Variants in KRT26 observed in about 807,000 individuals in gnomAD.
KRT26 encodes keratin 26.
In KRT26, 45 loss-of-function variants were observed where a neutral mutation model predicts 46.1. The ratio of observed to expected loss-of-function variants is 0.98; its 90% CI spans 0.77 to 1.25. The LOEUF (loss-of-function observed/expected upper bound fraction) is 1.25, where lower values mean the gene tolerates loss of function less well. Among genes scored for constraint, KRT26 ranks in the 50% most tolerant of loss-of-function variants. The pLI, the probability that KRT26 is intolerant of heterozygous loss-of-function variation, is 0.00. For synonymous variants in KRT26, 191 were observed against 209.9 expected (o/e 0.91, Z 0.78); for missense variants, 582 against 560.1 (o/e 1.04, Z -0.39).
exon 1 of KRT26, chr17:40,772,120 A>C (rs1179644054): frequency 3.7e-6 from 6 of 1,612,406 alleles, no homozygotes; most frequent in Non-Finnish European, 5.1e-6. Context: ...ACATGGTGGC[A>C]GCACAGCCGG....
chr17:40,766,383 G>C (rs2038172242), exon 8 of KRT26: 2 of 660,816 alleles, frequency 3.0e-6, no homozygotes, highest in Non-Finnish European at 4.8e-6. Context: ...ACAAATTCTA[G>C]CCCTTTTAAG....
chr17:40,769,610 A>G (rs2038201658), intron 5 of KRT26, 144 bp downstream of exon 5: 2 of 884,762 alleles, frequency 2.3e-6, no homozygotes, highest in Admixed American at 5.5e-5. Flanking sequence ...GAGTTTAGGG[A>G]CAGAATTCTT....
chr17:40,770,514 C>G, intron 2 of KRT26, 105 bp from the exon 3 acceptor site: 4 of 858,848 alleles, frequency 4.7e-6, no homozygotes, highest in Non-Finnish European at 5.3e-6. Flanking sequence ...CTGTACATAC[C>G]TCTGAAGCTT....
intron 6 of KRT26, among the ~76,000 whole-genome samples, chr17:40,768,119 G>T (rs956144725): frequency 2.0e-5 from 3 of 152,196 alleles, no homozygotes; most frequent in African/African-American, 7.2e-5. Context: ...TGAGGAGGGA[G>T]CAATCACTGT....
At position 40,770,107 on chromosome 17, in the gene KRT26, G is replaced by A. The variant is rs2038209141; in HGVS notation, c.697C>T (p.Gln233Ter). The change falls in exon 4 of 8, where the codon CAA (glutamine) becomes TAA (stop). Residue 233 changes from glutamine (Q) to a stop codon, truncating the protein, a stop_gained. Coordinates refer to ENST00000335552, the Ensembl canonical transcript of KRT26. LOFTEE classifies it high-confidence loss of function. ...TTCACGTTCCCCCCAGCTGTATATT[G>A]CAAGACTTCCATTTCCTAGAAAAGG... The A allele has an allele frequency of 6.2e-7, 1 of 1,614,184 alleles. No homozygotes were observed. Among genetic ancestry groups the A allele is most frequent in the Non-Finnish European group, 8.5e-7 (1 of 1,180,030 alleles).
chr17:40,771,227 C>T, exon 2 of KRT26: 1 of 1,590,986 alleles, frequency 6.3e-7, no homozygotes, highest in South Asian at 1.1e-5. Context: ...CAGATGGTCG[C>T]AGAAATAATC....
At chr17:40,770,045 A>G (rs1164537897) in exon 4 of KRT26, 2 of 1,614,030 alleles carry the variant, frequency 1.2e-6, no homozygotes, top group Non-Finnish European at 1.7e-6. Context: ...TCAACAGGAC[A>G]GTTAGGTCCA....
exon 5 of KRT26, chr17:40,769,796 A>G (rs762749663): frequency 6.2e-7 from 1 of 1,614,140 alleles, no homozygotes; most frequent in Non-Finnish European, 8.5e-7. Flanking sequence ...GGGTTTGCAG[A>G]TTGCGTTTTA....
At position 40,771,206 on chromosome 17, in the gene KRT26, T is replaced by G. The variant is rs150852556; in HGVS notation, c.472A>C (p.Ile158Leu). 3.8e-4 allele frequency: 606 copies of G among 1,607,618 alleles called. 1 individual carries two copies. The African/African-American group carries it at 7.0e-3, about 18-fold the overall frequency. ...CTGGCATTGTCATTTTGTAGAACAA[T>G]GCTGGCATTGCAGATGGTCGCAGAA... Residue 158 changes from isoleucine (I) to leucine (L), a missense_variant, in exon 2 of 8, where the codon ATT becomes CTT. By Grantham distance (5) the Ile-to-Leu change is conservative (BLOSUM62 2). Transcript: ENST00000335552.
chr17:40,770,134 A>ATCGGTATT lies in KRT26; in HGVS notation c.682-20_682-13dup, dbSNP rs749080170. 1 of 1,613,942 alleles carries ATCGGTATT rather than the reference A, an allele frequency of 6.2e-7. No homozygotes were observed. Among genetic ancestry groups the ATCGGTATT allele is most frequent in the African/African-American group, 1.3e-5 (1 of 74,900 alleles). ...AAGACTTCCATTTCCTAGAAAAGGG[A>ATCGGTATT]TCGGTATTCATCCTCAGTGGAGGAT... On this transcript the variant is annotated splice_polypyrimidine_tract_variant and intron_variant, in intron 3 of 7. Transcript: ENST00000335552.
chr17:40,767,031 C>A (rs1271935053), intron 7 of KRT26, among the ~76,000 whole-genome samples: 2 of 152,186 alleles, frequency 1.3e-5, no homozygotes, highest in East Asian at 3.8e-4. Flanking sequence ...TGAGCCACTG[C>A]ACCTTTTAAA....
At chr17:40,766,472 C>T (rs920916564) in exon 8 of KRT26, 5 of 1,413,432 alleles carry the variant, frequency 3.5e-6, no homozygotes, top group Non-Finnish European at 3.8e-6. Context: ...TTCTTTCTCT[C>T]TCTCTCTCTT....
At chr17:40,770,856 T>G (rs529142868) in intron 2 of KRT26, among the ~76,000 whole-genome samples, 123 of 152,136 alleles carry the variant, frequency 8.1e-4, no homozygotes, top group African/African-American at 2.7e-3. Flanking sequence ...GACTATTTTT[T>G]TGTGTGTGTA....
chr17:40,768,863 GC>G lies in KRT26; in HGVS notation c.1187+15del. 1.3e-6 allele frequency: 1 copy of G among 795,398 alleles called. No homozygotes were observed. Among genetic ancestry groups the G allele is most frequent in the Non-Finnish European group, 1.8e-6 (1 of 569,844 alleles). The allele number at this position is 795,398 out of a possible 1,614,324, so 49.3% of individuals were successfully genotyped here. ...TAATGTGAGGTTTTTTTTTTTTTTT[GC>G]AAGTTAATCTTTACCTTTCTTCTCC... On this transcript the variant is annotated intron_variant, in intron 6 of 7. Coordinates refer to ENST00000335552, the Ensembl canonical transcript of KRT26.
At chr17:40,769,533 C>T (rs1364297851) in intron 5 of KRT26, among the ~76,000 whole-genome samples, 1 of 152,014 alleles carries the variant, frequency 6.6e-6, no homozygotes, top group Non-Finnish European at 1.5e-5. Context: ...AATTGAAAAT[C>T]AACATTTGCA....
At chr17:40,769,117 A>G (rs2038196255) in intron 5 of KRT26, 21 bp from the exon 6 acceptor site, 1 of 1,482,928 alleles carries the variant, frequency 6.7e-7, no homozygotes, top group African/African-American at 1.4e-5. Flanking sequence ...AGCAAAGTGA[A>G]GCTTGAATGT....
In KRT26 at chr17:40,769,036, G is replaced by C. The variant is rs530769706; in HGVS notation, c.1030C>G (p.Gln344Glu). 7 of 1,614,022 alleles carry C rather than the reference G, an allele frequency of 4.3e-6. No individual in the cohort carries two copies. The East Asian group carries it at 1.1e-4, about 26-fold the overall frequency. The change falls in exon 6 of 8, where the codon CAA (glutamine) becomes GAA (glutamate). Residue 344 changes from glutamine (Q) to glutamate (E), a missense_variant. Gln to Glu is a conservative substitution (Grantham distance 29, BLOSUM62 2). Transcript: ENST00000335552. ...ATCACCCCTATCTGATCCTGAATTTGCTGGAGTTGATTGCAGTAATTTCCT... is the reference window on the plus strand; with the variant it reads ...ATCACCCCTATCTGATCCTGAATTTCCTGGAGTTGATTGCAGTAATTTCCT...
Position 40,769,872 on chromosome 17 carries a change from G to GT in KRT26, c.850dup (p.Thr284AsnfsTer10). 1 of 1,614,108 alleles carries GT rather than the reference G, an allele frequency of 6.2e-7. No individual in the cohort carries two copies. The highest frequency in any genetic ancestry group is 8.5e-7 in the Non-Finnish European group (1 of 1,180,016). On this transcript the variant is annotated frameshift_variant, in exon 5 of 8. Coordinates refer to ENST00000335552, the Ensembl canonical transcript of KRT26. LOFTEE classifies it high-confidence loss of function. Reference sequence around the variant, plus strand: ...ATGATCGGAAATCTGTTGTTGCAGCGTTGCACTCTGAAGTGTAATTGTCGA... The same window carrying GT: ...ATGATCGGAAATCTGTTGTTGCAGCGTTTGCACTCTGAAGTGTAATTGTCGA...
chr17:40,771,101 A>G (rs1597799281), intron 2 of KRT26, 53 bp downstream of exon 2: 2 of 1,054,106 alleles, frequency 1.9e-6, no homozygotes, highest in East Asian at 5.3e-5. Context: ...CCTTAATCCA[A>G]TTGTAATATT....
Sources: allele counts gnomAD v4.1 joint callset (sites outside exome capture counted in the v4.1 genomes callset), GRCh38; gene constraint gnomAD v4.1.1; transcripts MANE v1.5; gene names NCBI Gene and HGNC (gene_info 2026-07-23, HGNC 2026-07-21).